Variants in UBE2E3 observed in about 807,000 individuals in gnomAD.
UBE2E3 encodes the protein ubiquitin-conjugating enzyme E2 E3.
A neutral mutation model predicts 23.6 loss-of-function variants in UBE2E3; 5 were observed. The observed-to-expected ratio is 0.21, with a 90% CI of 0.11 to 0.44. The LOEUF (loss-of-function observed/expected upper bound fraction) is 0.44. UBE2E3 is among the 20% of genes least tolerant of loss of function. The pLI, the probability that UBE2E3 is intolerant of heterozygous loss-of-function variation, is 0.99. For synonymous variants in UBE2E3, 78 were observed against 87.5 expected (o/e 0.89, Z 0.60); for missense variants, 81 against 249.8 (o/e 0.32, Z 4.55).
intron 3 of UBE2E3, among the ~76,000 whole-genome samples, chr2:181,005,090 A>G (rs916138112): frequency 5.3e-5 from 8 of 152,248 alleles, no homozygotes; most frequent in African/African-American, 1.9e-4. Flanking sequence ...AAACCAAACC[A>G]GCTTAAGTAA....
chr2:181,004,217 A>G (rs1290859724), intron 3 of UBE2E3, among the ~76,000 whole-genome samples: 3 of 152,268 alleles, frequency 2.0e-5, no homozygotes, highest in Admixed American at 2.0e-4. Context: ...CAGAAATTAT[A>G]ATTTTTAGAG....
At chr2:181,032,255 A>G (rs1225366657) in intron 3 of UBE2E3, among the ~76,000 whole-genome samples, 2 of 152,188 alleles carry the variant, frequency 1.3e-5, no homozygotes, top group African/African-American at 4.8e-5. Flanking sequence ...AAAATAGAAT[A>G]TGGTCTTACT....
intron 3 of UBE2E3, among the ~76,000 whole-genome samples, chr2:181,036,499 C>A (rs181818805): frequency 2.6e-5 from 4 of 152,160 alleles, no homozygotes; most frequent in Non-Finnish European, 5.9e-5. Flanking sequence ...GGGCTTTCTC[C>A]GTGTATTCTG....
intron 3 of UBE2E3, among the ~76,000 whole-genome samples, chr2:181,048,045 A>G (rs1203026451): frequency 1.3e-5 from 2 of 152,000 alleles, no homozygotes; most frequent in African/African-American, 2.4e-5. Context: ...GCATTTTCCT[A>G]TGCTTTGAAG....
chr2:180,985,558 G>A (rs1684436656), intron 3 of UBE2E3, among the ~76,000 whole-genome samples: 1 of 152,036 alleles, frequency 6.6e-6, no homozygotes, highest in Non-Finnish European at 1.5e-5. Context: ...GACTTGCATT[G>A]TATTTCTATT....
At chr2:181,012,005 A>G (rs1186835281) in intron 3 of UBE2E3, among the ~76,000 whole-genome samples, 1 of 152,096 alleles carries the variant, frequency 6.6e-6, no homozygotes, top group Non-Finnish European at 1.5e-5. Context: ...TTAAACCATC[A>G]TTTTATGTGG....
intron 3 of UBE2E3, among the ~76,000 whole-genome samples, chr2:181,020,456 G>C (rs1685639542): frequency 2.0e-5 from 3 of 152,136 alleles, no homozygotes; most frequent in Admixed American, 6.5e-5. Context: ...TGAGATACTG[G>C]GGGTTAGAAC....
intron 3 of UBE2E3, among the ~76,000 whole-genome samples, chr2:181,054,248 T>C (rs1559136291): frequency 6.6e-6 from 1 of 151,832 alleles, no homozygotes; most frequent in Non-Finnish European, 1.5e-5. Context: ...GTAAGATATG[T>C]TTATGTTTGT....
At position 181,055,504 on chromosome 2, in the gene UBE2E3, G is replaced by A. The variant is rs79831111; in HGVS notation, c.246-2189G>A. Among the ~76,000 whole-genome samples, 18 of 151,700 alleles carry A rather than the reference G, an allele frequency of 1.2e-4. No homozygotes were observed. The East Asian group carries it at 3.1e-3, about 26-fold the overall frequency. On this transcript the variant is annotated intron_variant, in intron 3 of 5. Coordinates refer to ENST00000410062, the MANE Select transcript of UBE2E3 (RefSeq NM_006357.4). ...GGTACATTTATGAGAATGAAAAGAG[G>A]CCCCTAATCCAGACAGGTAGCCAAC...
intron 3 of UBE2E3, among the ~76,000 whole-genome samples, chr2:181,048,017 G>T (rs1474240369): frequency 6.6e-6 from 1 of 152,006 alleles, no homozygotes; most frequent in Non-Finnish European, 1.5e-5. Context: ...CCTGCTACTT[G>T]TTCCTGATGG....
intron 3 of UBE2E3, among the ~76,000 whole-genome samples, chr2:181,033,475 A>G (rs1439478165): frequency 2.6e-5 from 4 of 152,362 alleles, no homozygotes; most frequent in Admixed American, 6.5e-5. Flanking sequence ...GTGGCTAGCC[A>G]TATGTAGAAA....
At chr2:181,029,836 T>TA (rs1447560223) in intron 3 of UBE2E3, among the ~76,000 whole-genome samples, 20 of 142,826 alleles carry the variant, frequency 1.4e-4, no homozygotes, top group African/African-American at 4.7e-4. Context: ...ATTAATTCGG[T>TA]CCCTTTTTTT....
In UBE2E3 at chr2:181,027,675, T is replaced by C. The variant is rs1407765284; in HGVS notation, c.246-30018T>C. Among the ~76,000 whole-genome samples, 5 of 152,054 alleles carry C rather than the reference T, an allele frequency of 3.3e-5. 1 individual carries two copies. The highest frequency in any genetic ancestry group is 3.3e-4 in the Admixed American group (5 of 15,270). On this transcript the variant is annotated intron_variant, in intron 3 of 5. Coordinates refer to ENST00000410062, the MANE Select transcript of UBE2E3 (RefSeq NM_006357.4). ...TGCAGCATGTTGTGTCTTTTAAATA[T>C]CTTTGAGAGTAACAGAAAAGCCCAA...
At chr2:181,038,699 A>G (rs150886045) in intron 3 of UBE2E3, among the ~76,000 whole-genome samples, 1 of 152,354 alleles carries the variant, frequency 6.6e-6, no homozygotes, top group East Asian at 1.9e-4. Context: ...CTGATAAAAG[A>G]CTTGTATCCA....
At position 181,030,378 on chromosome 2, in the gene UBE2E3, A is replaced by G. The variant is rs531883480; in HGVS notation, c.246-27315A>G. ...GCCCAGGCTGGAGTGCAGTGGCACG[A>G]TCTCATCTCAGAATGTGTATATTTT... is the stretch of plus-strand genomic sequence containing the variant. On this transcript the variant is annotated intron_variant, in intron 3 of 5. Transcript: ENST00000410062. 6.6e-5 allele frequency among the ~76,000 whole-genome samples: 10 copies of G among 152,086 alleles called. No homozygotes were observed. The South Asian group carries it at 1.9e-3, about 28-fold the overall frequency.
chr2:180,982,144 A>G lies in UBE2E3; in HGVS notation c.102A>G (p.Glu34=). 1 of 1,613,644 alleles carries G rather than the reference A, an allele frequency of 6.2e-7. No individual in the cohort carries two copies. Among genetic ancestry groups the G allele is most frequent in the Non-Finnish European group, 8.5e-7 (1 of 1,179,792 alleles). ...QRDPAAPEPE[E]QEERKPSATQ... is the part of the protein sequence containing the mutation. ...ACCCAGCCGCTCCAGAGCCTGAAGAACAAGAGGAAAGAAAACCTTCTGCCA... is the reference window on the plus strand; with the variant it reads ...ACCCAGCCGCTCCAGAGCCTGAAGAGCAAGAGGAAAGAAAACCTTCTGCCA... The change falls in exon 2 of 6, where the codon GAA becomes GAG. Residue 34 remains glutamate, a synonymous_variant. Transcript: ENST00000410062.
intron 3 of UBE2E3, among the ~76,000 whole-genome samples, chr2:181,034,281 T>A (rs937470847): frequency 2.4e-4 from 37 of 152,340 alleles, no homozygotes; most frequent in African/African-American, 7.7e-4. Context: ...CCAACCCAAA[T>A]GTCCATCAAT....
At chr2:181,030,893 A>C (rs1686056841) in intron 3 of UBE2E3, among the ~76,000 whole-genome samples, 1 of 152,022 alleles carries the variant, frequency 6.6e-6, no homozygotes. Flanking sequence ...ATTAGTCTTG[A>C]CCCAAAAATT....
At chr2:180,989,497 C>G (rs1247242706) in intron 3 of UBE2E3, among the ~76,000 whole-genome samples, 2 of 151,940 alleles carry the variant, frequency 1.3e-5, no homozygotes, top group African/African-American at 4.8e-5. Context: ...ATTTAATAAC[C>G]TATTCAAAGT....
Sources: allele counts gnomAD v4.1 joint callset (sites outside exome capture counted in the v4.1 genomes callset), GRCh38; gene constraint gnomAD v4.1.1; transcripts MANE v1.5; gene names NCBI Gene and HGNC (gene_info 2026-07-23, HGNC 2026-07-21).